The following DGKA variants were observed in gnomAD, a reference collection of about 807,000 sequenced individuals.
The protein encoded by DGKA is 80 kDa diacylglycerol kinase.
Under a neutral mutation model 105.0 loss-of-function variants are expected in DGKA, and 35 were observed. The ratio of observed to expected loss-of-function variants is 0.33; its 90% CI spans 0.25 to 0.44. DGKA has a LOEUF of 0.44. Among genes scored for constraint, DGKA ranks in the 20% least tolerant of loss-of-function variants. The pLI, the probability that DGKA is intolerant of heterozygous loss-of-function variation, is 1.00. For missense variants in DGKA, 665 were observed against 915.0 expected (o/e 0.73, Z 3.53); for synonymous variants, 296 against 332.0 (o/e 0.89, Z 1.18).
chr12:55,944,802 A>T (rs1359952688), intron 17 of DGKA, among the ~76,000 whole-genome samples: 1 of 151,992 alleles, frequency 6.6e-6, no homozygotes. Context: ...ATTTATTTTT[A>T]TTTATTTATC....
chr12:55,946,434 G>A (rs183197703), intron 17 of DGKA, among the ~76,000 whole-genome samples: 1 of 151,866 alleles, frequency 6.6e-6, no homozygotes, highest in Non-Finnish European at 1.5e-5. Context: ...TCAGCTCACT[G>A]CAACCTCTGC....
chr12:55,937,889 A>T (rs1002025698), intron 4 of DGKA, 89 bp from the exon 5 acceptor site: 69 of 1,172,160 alleles, frequency 5.9e-5, no homozygotes, highest in East Asian at 3.9e-4. Flanking sequence ...TCTTTTTTTT[A>T]AAAAAAGGGA....
intron 17 of DGKA, among the ~76,000 whole-genome samples, chr12:55,942,910 T>C (rs969771639): frequency 1.3e-5 from 2 of 151,958 alleles, no homozygotes; most frequent in Non-Finnish European, 2.9e-5. Flanking sequence ...CGGAAGGCAT[T>C]CTAGGTGGAG....
At chr12:55,928,147 T>C (rs923196804), upstream of DGKA, 5 of 225,002 alleles carry the variant, frequency 2.2e-5, no homozygotes, top group Non-Finnish European at 4.3e-5. Flanking sequence ...CTAAGTCCTG[T>C]TAAACTTGTT....
upstream of DGKA, chr12:55,927,368 A>T: frequency 1.4e-6 from 1 of 721,384 alleles, no homozygotes; most frequent in Non-Finnish European, 2.5e-6. Context: ...AGCCAAGAGA[A>T]GTTCCGAGGC....
intron 17 of DGKA, among the ~76,000 whole-genome samples, chr12:55,945,733 C>T (rs1450333636): frequency 6.6e-6 from 1 of 152,100 alleles, no homozygotes; most frequent in Non-Finnish European, 1.5e-5. Flanking sequence ...TATAAGGACC[C>T]CTGTGATTAC....
intron 4 of DGKA, 110 bp downstream of exon 4, chr12:55,937,653 A>G (rs1303231377): frequency 1.6e-5 from 22 of 1,415,048 alleles, no homozygotes; most frequent in Non-Finnish European, 2.0e-5. Context: ...GTTGGGGGAA[A>G]TTGGTGGAGA....
chr12:55,929,652 T>C (rs1286596463), upstream of DGKA: 1 of 152,232 alleles, frequency 6.6e-6, no homozygotes, highest in Non-Finnish European at 1.5e-5. Flanking sequence ...GCGGTTTCTT[T>C]CTTTCTGATT....
rs372782398 is a variant in DGKA at position 55,941,308 on chromosome 12, C to T, written c.1158C>T (p.Gly386=). ...PLLVFVNPKS[G]GKQGQRVLWK... is the part of the protein sequence containing the mutation. ...TCGTCTTTGTCAATCCTAAGAGTGG[C>T]GGGAAGCAGGGGCAAAGGTGAGGAG... Residue 386 remains glycine, a synonymous_variant, in exon 14 of 24, where the codon GGC becomes GGT. Coordinates refer to ENST00000331886, the MANE Select transcript of DGKA (RefSeq NM_001345.5). 8.1e-6 allele frequency: 13 copies of T among 1,613,430 alleles called. No individual in the cohort carries two copies. The highest frequency in any genetic ancestry group is 2.2e-5 in the South Asian group (2 of 91,042).
intron 1 of DGKA, chr12:55,935,493 C>G (rs1305600947): frequency 6.6e-6 from 1 of 152,206 alleles, no homozygotes; most frequent in Admixed American, 6.5e-5. Context: ...CTGGGGCTCC[C>G]TAAGCACTGC....
chr12:55,950,702 A>G (rs1401676400), intron 17 of DGKA, among the ~76,000 whole-genome samples: 1 of 151,738 alleles, frequency 6.6e-6, no homozygotes, highest in East Asian at 1.9e-4. Context: ...CAGCCTCCCA[A>G]AGTGCTGGGA....
intron 17 of DGKA, 51 bp from the exon 18 acceptor site, chr12:55,951,572 G>A: frequency 6.4e-7 from 1 of 1,571,784 alleles, no homozygotes; most frequent in South Asian, 1.2e-5. Context: ...GCTGAGAAGA[G>A]GCCTCTCTGG....
rs1565768345 is a variant in DGKA, at chr12:55,953,182, T to C, written c.2063+22T>C. On this transcript the variant is annotated intron_variant, in intron 22 of 23. Coordinates refer to ENST00000331886, the MANE Select transcript of DGKA (RefSeq NM_001345.5). ...TCCAGTAAGGAAGACTCCACCAGGG[T>C]CCCTGAGGGAAGGTGTGGGGCTGGG... 5.0e-6 allele frequency: 8 copies of C among 1,613,710 alleles called. No individual in the cohort carries two copies. The African/African-American group carries it at 6.7e-5, about 13-fold the overall frequency.
At position 55,938,577 on chromosome 12, in the gene DGKA, G is replaced by A; in HGVS notation, c.399+17G>A. On this transcript the variant is annotated intron_variant, in intron 6 of 23. Transcript: ENST00000331886. ...GACAGCTCAGTGAGTTGGGGACCCT[G>A]TATGCTGGGCAAGGGAATATGTGTT... The A allele has an allele frequency of 6.2e-7, 1 of 1,614,108 alleles. No homozygotes were observed. The highest frequency in any genetic ancestry group is 8.5e-7 in the Non-Finnish European group (1 of 1,179,994).
At chr12:55,939,554 G>C in intron 9 of DGKA, 25 bp downstream of exon 9, 1 of 1,609,060 alleles carries the variant, frequency 6.2e-7, no homozygotes, top group Non-Finnish European at 8.5e-7. Flanking sequence ...CTGGGAGGTA[G>C]GGGAAGAGGG....
chr12:55,952,155 AC>A lies in DGKA; in HGVS notation c.1652+58del. The A allele has an allele frequency of 6.2e-7, 1 of 1,607,618 alleles. No homozygotes were observed. The highest frequency in any genetic ancestry group is 8.5e-7 in the Non-Finnish European group (1 of 1,174,364). On this transcript the variant is annotated intron_variant, in intron 19 of 23. Coordinates refer to ENST00000331886, the MANE Select transcript of DGKA (RefSeq NM_001345.5). This position sits in a 1 kb window ranked among gnomAD's most constrained non-coding sequence, Gnocchi z 5.1. ...ACACAGTGTCAGGAGCCAGGTTTTG[AC>A]CAAGTTTGACTCAGATTGCTCAGAA...
In DGKA at chr12:55,952,807, A is replaced by G; in HGVS notation, c.1817A>G (p.His606Arg). ...GCAGTGCTAAACATCCCTAGCATGC[A>G]TGGTGGCTCCAACCTCTGGGGTGAT... ...GIAVLNIPSMHGGSNLWGDTR... is the reference protein window; with the variant it reads ...GIAVLNIPSMRGGSNLWGDTR... The change falls in exon 21 of 24, where the codon CAT becomes CGT. Residue 606 changes from histidine (H) to arginine (R), a missense_variant. By Grantham distance (29) the His-to-Arg change is conservative. Transcript: ENST00000331886. The surrounding 1 kb of genome is among the most constrained non-coding windows in gnomAD (Gnocchi z 5.1). 1.2e-6 allele frequency: 2 copies of G among 1,614,208 alleles called. No homozygotes were observed. The highest frequency in any genetic ancestry group is 2.2e-5 in the East Asian group (1 of 44,890).
rs149270085 is a variant in DGKA at position 55,952,193 on chromosome 12, C to T, written c.1652+94C>T. 170 of 1,559,336 alleles carry T rather than the reference C, an allele frequency of 1.1e-4. 1 individual carries two copies. The highest frequency in any genetic ancestry group is 1.0e-3 in the South Asian group (94 of 89,746). On this transcript the variant is annotated intron_variant, in intron 19 of 23. Transcript: ENST00000331886. This position sits in a 1 kb window ranked among gnomAD's most constrained non-coding sequence, Gnocchi z 5.1. ...CAGATTGCTCAGAAGAACAGTGGCA[C>T]CTCTAGGAGGTCCCCCCAACCAAAG...
intron 6 of DGKA, 33 bp downstream of exon 6, chr12:55,938,593 A>C (rs766447985): frequency 1.2e-6 from 2 of 1,613,674 alleles, no homozygotes; most frequent in Non-Finnish European, 1.7e-6. Flanking sequence ...TGGGCAAGGG[A>C]ATATGTGTTA....
Sources: gnomAD v4.1 joint callset for allele counts (sites outside exome capture counted in the v4.1 genomes callset) on GRCh38, gnomAD v4.1.1 for gene constraint, Gnocchi (gnomAD v3.1) non-coding constraint, MANE v1.5 for transcripts, NCBI Gene and HGNC (gene_info 2026-07-23, HGNC 2026-07-21) for gene names.